Variants in PCDHA2 observed in about 807,000 individuals in gnomAD.
The protein encoded by PCDHA2 is protocadherin alpha-2.
A neutral mutation model predicts 66.0 loss-of-function variants in PCDHA2; 58 were observed. The observed-to-expected ratio is 0.88, with a 90% confidence interval of 0.71 to 1.09. The LOEUF (loss-of-function observed/expected upper bound fraction) is 1.09, where lower values mean the gene tolerates loss of function less well. PCDHA2 is among the 50% of genes least tolerant of loss of function. PCDHA2 has a pLI of 0.00. For synonymous variants in PCDHA2, 634 were observed against 554.0 expected (o/e 1.14, Z -2.03); for missense variants, 1,267 against 1,242.3 (o/e 1.02, Z -0.30).
In PCDHA2 at chr5:141,009,796, T is replaced by C; in HGVS notation, c.2706T>C (p.Thr902=). The C allele has an allele frequency of 6.2e-7, 1 of 1,614,046 alleles. No individual in the cohort carries two copies. The highest frequency in any genetic ancestry group is 8.5e-7 in the Non-Finnish European group (1 of 1,180,016). Residue 902 remains threonine (T), a synonymous_variant, in exon 4 of 4, where the codon ACT becomes ACC. Coordinates refer to ENST00000526136, the MANE Select transcript of PCDHA2 (RefSeq NM_018905.3). ...PAIISIRQEP[T]NSQIDKSDFI... ...TCATCTCCATCCGGCAGGAGCCTACTAACAGCCAAATTGACAAAAGTGACT... is the reference window on the plus strand; with the variant it reads ...TCATCTCCATCCGGCAGGAGCCTACCAACAGCCAAATTGACAAAAGTGACT...
At chr5:140,993,521 G>C (rs1554253818) in intron 3 of PCDHA2, among the ~76,000 whole-genome samples, 4 of 151,128 alleles carry the variant, frequency 2.6e-5, no homozygotes, top group Admixed American at 2.0e-4. Flanking sequence ...GGGAGAGAGA[G>C]ACAGAGAGAG....
At chr5:140,927,616 G>C in intron 1 of PCDHA2, 1 of 1,614,164 alleles carries the variant, frequency 6.2e-7, no homozygotes, top group Non-Finnish European at 8.5e-7. Flanking sequence ...CCGCACCAAG[G>C]TTCCAGAGAC....
At chr5:140,809,056 C>T (rs782158159) in intron 1 of PCDHA2, 8 of 1,613,880 alleles carry the variant, frequency 5.0e-6, no homozygotes, top group Admixed American at 3.3e-5. Context: ...TCCCGTTCCG[C>T]GTGGGGCTGT....
chr5:140,967,226 C>T, intron 1 of PCDHA2: 1 of 1,613,746 alleles, frequency 6.2e-7, no homozygotes, highest in Non-Finnish European at 8.5e-7. Flanking sequence ...GCCCAACTAC[C>T]AGCTTCAGGT....
intron 1 of PCDHA2, among the ~76,000 whole-genome samples, chr5:140,945,046 A>T (rs2093731107): frequency 6.6e-6 from 1 of 152,192 alleles, no homozygotes; most frequent in Non-Finnish European, 1.5e-5. Flanking sequence ...TTGGTCTTAT[A>T]TAAAGAAAAC....
intron 1 of PCDHA2, chr5:140,836,879 C>T: frequency 1.5e-6 from 1 of 674,888 alleles, no homozygotes; most frequent in South Asian, 2.5e-5. Flanking sequence ...TGTATTTGCA[C>T]TAATTATTTG....
intron 1 of PCDHA2, chr5:140,807,348 T>C (rs1763896011): frequency 6.2e-7 from 1 of 1,612,548 alleles, no homozygotes; most frequent in Admixed American, 1.7e-5. Context: ...GACCTGGGAC[T>C]GGAGCTGGCG....
intron 1 of PCDHA2, chr5:140,803,428 C>G (rs781912218): frequency 6.2e-7 from 1 of 1,614,170 alleles, no homozygotes; most frequent in East Asian, 2.2e-5. Context: ...TGCTCCAGCG[C>G]GGTGGGGAGC....
intron 1 of PCDHA2, among the ~76,000 whole-genome samples, chr5:140,854,986 T>C (rs1266471979): frequency 2.0e-5 from 3 of 149,894 alleles, no homozygotes; most frequent in African/African-American, 7.3e-5. Context: ...TTAAGATTCT[T>C]TTTGCCCGTG....
intron 1 of PCDHA2, chr5:140,843,194 G>T: frequency 6.3e-7 from 1 of 1,596,036 alleles, no homozygotes; most frequent in East Asian, 2.2e-5. Context: ...GTTCCGCGTG[G>T]GGCTGTACAC....
rs371820170 is a variant in PCDHA2, at chr5:140,871,346, C to T, written c.2388+73994C>T. 1.1e-5 allele frequency: 17 copies of T among 1,614,104 alleles called. No homozygotes were observed. Among genetic ancestry groups the T allele is most frequent in the African/African-American group, 4.0e-5 (3 of 74,954 alleles). ...TGCTCCCGCGCGGTGGGGAGCTGGT[C>T]ATACTCGCAGCAGAGGCGGCAGAGG... is the stretch of plus-strand genomic sequence containing the variant. On this transcript the variant is annotated intron_variant, in intron 1 of 3. Transcript: ENST00000526136.
chr5:140,970,018 C>G (rs1383957568), intron 1 of PCDHA2, among the ~76,000 whole-genome samples: 9 of 151,942 alleles, frequency 5.9e-5, no homozygotes, highest in African/African-American at 2.2e-4. Context: ...GATGGTGAGG[C>G]AGAGAGATTA....
chr5:140,850,195 C>A, intron 1 of PCDHA2: 1 of 1,593,610 alleles, frequency 6.3e-7, no homozygotes, highest in South Asian at 1.1e-5. Context: ...GCGCTGCTGA[C>A]ACCTCGGATG....
At position 140,827,909 on chromosome 5, in the gene PCDHA2, A is replaced by C. The variant is rs2150149733; in HGVS notation, c.2388+30557A>C. On this transcript the variant is annotated intron_variant, in intron 1 of 3. Transcript: ENST00000526136. ...ATTTCTTACCTTTTGGAGCCGCATGATGTCGCTGTCTACCATGAAGTTATA... is the reference window on the plus strand; with the variant it reads ...ATTTCTTACCTTTTGGAGCCGCATGCTGTCGCTGTCTACCATGAAGTTATA... 8.5e-6 allele frequency: 7 copies of C among 822,554 alleles called. No individual in the cohort carries two copies. In the East Asian group the frequency reaches 1.5e-4, roughly 17 times the overall value. The allele number at this position is 822,554 out of a possible 1,614,324, so 51.0% of individuals were successfully genotyped here. A position where few individuals can be genotyped will look rare whatever the true frequency, so the allele number is the denominator to read the frequency against.
chr5:140,941,227 C>CTT (rs797022976), intron 1 of PCDHA2, among the ~76,000 whole-genome samples: 1 of 136,000 alleles, frequency 7.4e-6, no homozygotes, highest in African/African-American at 2.8e-5. Context: ...TTCTTTCTTT[C>CTT]TTTCTTTCTT....
At chr5:140,935,721 A>G (rs2090523952) in intron 1 of PCDHA2, among the ~76,000 whole-genome samples, 1 of 152,196 alleles carries the variant, frequency 6.6e-6, no homozygotes, top group African/African-American at 2.4e-5. Context: ...ATATATTTAG[A>G]GAAGTCTAGT....
At chr5:140,882,327 T>C in intron 1 of PCDHA2, 1 of 1,614,172 alleles carries the variant, frequency 6.2e-7, no homozygotes, top group Non-Finnish European at 8.5e-7. Flanking sequence ...TGGCTTCTGA[T>C]CCTCGCAGCC....
chr5:140,845,564 A>G (rs945837920), intron 1 of PCDHA2, among the ~76,000 whole-genome samples: 4 of 149,618 alleles, frequency 2.7e-5, no homozygotes, highest in African/African-American at 9.8e-5. Context: ...TTAGCTATTA[A>G]GAATTTCTGG....
chr5:141,004,351 G>T (rs547017222), intron 3 of PCDHA2, among the ~76,000 whole-genome samples: 1 of 152,332 alleles, frequency 6.6e-6, no homozygotes, highest in African/African-American at 2.4e-5. Flanking sequence ...TGAGGGACTG[G>T]AGAGACCACA....
Sources: allele counts gnomAD v4.1 joint callset (sites outside exome capture counted in the v4.1 genomes callset), GRCh38; gene constraint gnomAD v4.1.1; transcripts MANE v1.5; gene names NCBI Gene and HGNC (gene_info 2026-07-23, HGNC 2026-07-21).